Variants in ATP5MG observed in about 807,000 individuals in gnomAD.
ATP5MG encodes the protein ATP synthase membrane subunit g, also known as ATP synthase F(0) complex subunit g, mitochondrial.
In ATP5MG, 7 loss-of-function variants were observed where a neutral mutation model predicts 12.7. That is an observed-to-expected ratio of 0.55 (90% CI 0.31 to 1.04). ATP5MG has a LOEUF of 1.04. Among genes scored for constraint, ATP5MG ranks in the 50% least tolerant of loss-of-function variants. The probability of loss-of-function intolerance (pLI) is 0.05; values close to 1 mark genes in which losing one functional copy is unlikely to be tolerated. For missense variants in ATP5MG, 116 were observed against 126.7 expected, an observed-to-expected ratio of 0.92 and a Z score of 0.41; for synonymous variants, 53 against 48.2, an observed-to-expected ratio of 1.10 and a Z score of -0.41.
chr11:118,407,256 A>G (rs782698562), intron 2 of ATP5MG, 159 bp downstream of exon 2: 5 of 1,095,062 alleles, frequency 4.6e-6, no homozygotes, highest in Non-Finnish European at 6.3e-6. Flanking sequence ...TTACTTTTCT[A>G]ATTTTGTCAC....
intron 2 of ATP5MG, among the ~76,000 whole-genome samples, chr11:118,408,171 A>T (rs1948989231): frequency 6.6e-6 from 1 of 151,990 alleles, no homozygotes; most frequent in Admixed American, 6.5e-5. Flanking sequence ...CAAAAAAAAG[A>T]AAAAGGAAAG....
At chr11:118,404,266 G>A (rs929893834) in intron 1 of ATP5MG, among the ~76,000 whole-genome samples, 6 of 152,284 alleles carry the variant, frequency 3.9e-5, no homozygotes, top group African/African-American at 1.4e-4. Context: ...TGCCTAGGAA[G>A]ATCATAGAAT....
At chr11:118,403,399 G>A (rs1429288797) in intron 1 of ATP5MG, among the ~76,000 whole-genome samples, 1 of 152,192 alleles carries the variant, frequency 6.6e-6, no homozygotes, top group African/African-American at 2.4e-5. Flanking sequence ...GGGAGGCTGA[G>A]GCAGGAGAAT....
At chr11:118,405,589 G>A (rs1565546329) in intron 1 of ATP5MG, 2 of 856,508 alleles carry the variant, frequency 2.3e-6, no homozygotes, top group East Asian at 2.4e-4. Context: ...TCTGTGTGTT[G>A]GAGATAATAT....
Position 118,401,619 on chromosome 11 carries a change from G to GA in ATP5MG, c.-46dup, listed in dbSNP as rs782026117. The GA allele has an allele frequency of 1.2e-6, 2 of 1,612,810 alleles. No individual in the cohort carries two copies. Among genetic ancestry groups the GA allele is most frequent in the Non-Finnish European group, 8.5e-7 (1 of 1,178,972 alleles). On this transcript the variant is annotated 5_prime_UTR_variant, in exon 1 of 3. Coordinates refer to ENST00000300688, the MANE Select transcript of ATP5MG (RefSeq NM_006476.5). ...CCTGCAGCGGGTCCTTCCGGCGGGT[G>GA]ACATTCAGCCGGCGGTTCGGGGCGA... is the stretch of plus-strand genomic sequence containing the variant.
chr11:118,406,781 A>T (rs895680245), intron 1 of ATP5MG, 156 bp from the exon 2 acceptor site: 17 of 1,096,694 alleles, frequency 1.6e-5, no homozygotes, highest in Middle Eastern at 3.0e-4. Context: ...GTTACCAGGG[A>T]GCAGCTTTGA....
At chr11:118,402,951 C>T (rs1016685256) in intron 1 of ATP5MG, among the ~76,000 whole-genome samples, 1 of 152,066 alleles carries the variant, frequency 6.6e-6, no homozygotes, top group Non-Finnish European at 1.5e-5. Flanking sequence ...CCTCCCGCCT[C>T]GGTCTCCTAA....
At chr11:118,403,128 A>G (rs1948943495) in intron 1 of ATP5MG, among the ~76,000 whole-genome samples, 1 of 152,230 alleles carries the variant, frequency 6.6e-6, no homozygotes, top group Admixed American at 6.5e-5. Context: ...TAATTTCATA[A>G]GCTTGCAAGA....
chr11:118,409,050 T>C lies in ATP5MG; in HGVS notation c.264T>C (p.Tyr88=). ...LVATEVLMWF[Y]VGEIIGKRGI... is the part of the protein sequence containing the mutation. ...CCACTGAGGTGTTGATGTGGTTTTA[T>C]GTCGGAGAGATTATAGGCAAGCGGG... Residue 88 remains tyrosine (Y), a synonymous_variant, in exon 3 of 3, where the codon TAT becomes TAC. Coordinates refer to ENST00000300688, the MANE Select transcript of ATP5MG (RefSeq NM_006476.5). 1 of 1,608,460 alleles carries C rather than the reference T, an allele frequency of 6.2e-7. No individual in the cohort carries two copies. The highest frequency in any genetic ancestry group is 1.1e-5 in the South Asian group (1 of 90,512).
intron 1 of ATP5MG, chr11:118,405,591 A>C (rs551468524): frequency 2.3e-6 from 2 of 866,850 alleles, no homozygotes; most frequent in Admixed American, 6.2e-5. Flanking sequence ...TGTGTGTTGG[A>C]GATAATATTG....
At position 118,409,188 on chromosome 11, in the gene ATP5MG, G is replaced by A; in HGVS notation, c.*90G>A. On this transcript the variant is annotated 3_prime_UTR_variant, in exon 3 of 3. Coordinates refer to ENST00000300688, the MANE Select transcript of ATP5MG (RefSeq NM_006476.5). ...TCAGACTGCTATCTGAATAAAATAA[G>A]ATTTGTCAAAACTCAGTGTTTTCTC... 1.2e-6 allele frequency: 1 copy of A among 849,082 alleles called. No homozygotes were observed. Among genetic ancestry groups the A allele is most frequent in the Non-Finnish European group, 1.7e-6 (1 of 597,786 alleles). The allele number at this position is 849,082 out of a possible 1,614,324, so 52.6% of individuals were successfully genotyped here.
At chr11:118,402,424 C>T (rs1432754117) in intron 1 of ATP5MG, among the ~76,000 whole-genome samples, 1 of 152,044 alleles carries the variant, frequency 6.6e-6, no homozygotes, top group Non-Finnish European at 1.5e-5. Context: ...TAATCACAGC[C>T]TCTGAGTACT....
chr11:118,408,023 G>A (rs979909538), intron 2 of ATP5MG, among the ~76,000 whole-genome samples: 14 of 152,284 alleles, frequency 9.2e-5, no homozygotes, highest in South Asian at 4.1e-4. Context: ...TTAGCCGGGC[G>A]TGGTGGCGGA....
At chr11:118,407,282 T>G (rs1301409000) in intron 2 of ATP5MG, 185 bp downstream of exon 2, 1 of 885,664 alleles carries the variant, frequency 1.1e-6, no homozygotes, top group Non-Finnish European at 1.6e-6. Context: ...TAGAAATAAT[T>G]AGCCCATTTT....
rs191966096 is a variant in ATP5MG, at chr11:118,407,649, C to T, written c.213+552C>T. On this transcript the variant is annotated intron_variant, in intron 2 of 2. Transcript: ENST00000300688. ...TTGGGAGGCCAAAGTAGGAGGATCG[C>T]TTGAGGCCAGAAGTTCAAGACCAGC... Among the ~76,000 whole-genome samples, 542 of 152,250 alleles carry T rather than the reference C, an allele frequency of 3.6e-3. 3 individuals carry two copies. Among genetic ancestry groups the T allele is most frequent in the Middle Eastern group, 0.014 (4 of 294 alleles).
intron 1 of ATP5MG, chr11:118,406,628 GT>G (rs1391460192): frequency 4.6e-5 from 13 of 280,634 alleles, no homozygotes; most frequent in Non-Finnish European, 6.9e-5. Flanking sequence ...CATCTTTACA[GT>G]TAGCTAGATT....
chr11:118,405,716 C>T (rs1948966478), intron 1 of ATP5MG: 1 of 984,654 alleles, frequency 1.0e-6, no homozygotes. Context: ...AAAGGTATGC[C>T]CATATCCCCA....
intron 2 of ATP5MG, chr11:118,407,503 T>C: frequency 6.0e-6 from 1 of 165,848 alleles, no homozygotes; most frequent in South Asian, 1.5e-4. Context: ...CTAACACTTC[T>C]TATATATAAG....
chr11:118,406,663 T>C (rs1948974030), intron 1 of ATP5MG: 1 of 437,442 alleles, frequency 2.3e-6, no homozygotes, highest in African/African-American at 2.0e-5. Context: ...TGAAGTACAG[T>C]ACTAGCTGGC....
Sources: allele counts gnomAD v4.1 joint callset (sites outside exome capture counted in the v4.1 genomes callset), GRCh38; gene constraint gnomAD v4.1.1; transcripts MANE v1.5; gene names NCBI Gene and HGNC (gene_info 2026-07-23, HGNC 2026-07-21).